Variants in LIN54 observed in about 807,000 individuals in gnomAD.
The protein encoded by LIN54 is lin-54 DREAM MuvB core complex component, also known as protein lin-54 homolog.
A neutral mutation model predicts 78.7 loss-of-function variants in LIN54; 9 were observed. The ratio of observed to expected loss-of-function variants is 0.11; its 90% CI spans 0.07 to 0.20. LIN54 has a LOEUF of 0.20. LIN54 is among the 10% of genes least tolerant of loss of function. LIN54 has a pLI of 1.00. For missense variants in LIN54, 573 were observed against 889.9 expected (o/e 0.64, Z 4.53); for synonymous variants, 269 against 318.4 (o/e 0.84, Z 1.65).
At chr4:82,936,948 CATT>C (rs1206800570) in intron 9 of LIN54, among the ~76,000 whole-genome samples, 2 of 152,144 alleles carry the variant, frequency 1.3e-5, no homozygotes, top group Non-Finnish European at 2.9e-5. Context: ...TAAGATCAAA[CATT>C]ATTATTAAGG....
upstream of LIN54, chr4:83,011,965 T>C: frequency 1.1e-6 from 1 of 922,612 alleles, no homozygotes; most frequent in Non-Finnish European, 1.3e-6. Context: ...TCTAAGTTAG[T>C]GTAGGAAGAG....
chr4:82,996,919 A>C (rs183177643), intron 1 of LIN54, among the ~76,000 whole-genome samples: 34 of 151,482 alleles, frequency 2.2e-4, no homozygotes, highest in Admixed American at 1.4e-3. Flanking sequence ...CGCCATCCTC[A>C]TCTCCACTGG....
rs925586496 is a variant in LIN54, at chr4:83,006,642, T to C, written c.-33+3842A>G. The stretch of plus-strand genomic sequence containing the variant: ...GAATTCCAAATTAGTCACATACCTT[T>C]AAAGTCTATGTTCAAGTATATAGTA... On this transcript the variant is annotated intron_variant, in intron 1 of 12. Transcript: ENST00000340417. Among the ~76,000 whole-genome samples the C allele has an allele frequency of 2.0e-5, 3 of 152,090 alleles. No individual in the cohort carries two copies. In the South Asian group the frequency reaches 6.2e-4, roughly 32 times the overall value.
intron 5 of LIN54, among the ~76,000 whole-genome samples, chr4:82,943,350 T>C (rs1195933297): frequency 6.6e-6 from 1 of 152,166 alleles, no homozygotes; most frequent in African/African-American, 2.4e-5. Flanking sequence ...TGCCTACCAC[T>C]GTACCAACGA....
Position 82,925,890 on chromosome 4 carries a change from T to C in LIN54, c.*2212A>G, listed in dbSNP as rs544329522. 2 of 152,738 alleles carry C rather than the reference T, an allele frequency of 1.3e-5. No homozygotes were observed. Among genetic ancestry groups the C allele is most frequent in the South Asian group, 4.1e-4 (2 of 4,828 alleles). 9.5% of individuals were successfully genotyped at this position (152,738 alleles called of 1,614,324 possible). A position where few individuals can be genotyped will look rare whatever the true frequency, so the allele number is the denominator to read the frequency against. On this transcript the variant is annotated 3_prime_UTR_variant, in exon 13 of 13. Coordinates refer to ENST00000340417, the MANE Select transcript of LIN54 (RefSeq NM_194282.4). Reference sequence around the variant, plus strand: ...TATACCCAACCCTCCCCAAATAGTCTTTTAAAATCATTGAATTAATGTGGC... The same window carrying C: ...TATACCCAACCCTCCCCAAATAGTCCTTTAAAATCATTGAATTAATGTGGC...
At chr4:82,938,750 T>G (rs924087551) in intron 7 of LIN54, among the ~76,000 whole-genome samples, 6 of 152,208 alleles carry the variant, frequency 3.9e-5, no homozygotes, top group Non-Finnish European at 8.8e-5. Flanking sequence ...ACAGAAGAGT[T>G]AAGTATGTCG....
chr4:82,939,092 G>A (rs1722628235), intron 7 of LIN54, among the ~76,000 whole-genome samples: 1 of 152,178 alleles, frequency 6.6e-6, no homozygotes, highest in Non-Finnish European at 1.5e-5. Flanking sequence ...AGTAAGAGTA[G>A]ATAGATCGCT....
At chr4:83,012,879 G>C (rs1472144224), upstream of LIN54, 3 of 151,926 alleles carry the variant, frequency 2.0e-5, no homozygotes, top group Non-Finnish European at 2.9e-5. Context: ...CCGAGACACA[G>C]ACCAGGGTTT....
At chr4:82,961,965 A>G (rs2126062443) in intron 4 of LIN54, among the ~76,000 whole-genome samples, 1 of 152,212 alleles carries the variant, frequency 6.6e-6, no homozygotes. Flanking sequence ...CAAAAAAAAA[A>G]AAAAAGAAAA....
In LIN54 at chr4:82,952,600, T is replaced by C. The variant is rs182815280; in HGVS notation, c.952-6126A>G. On this transcript the variant is annotated intron_variant, in intron 4 of 12. Coordinates refer to ENST00000340417, the MANE Select transcript of LIN54 (RefSeq NM_194282.4). Reference sequence around the variant, plus strand: ...ACCATATGATCCAGCAATTCTACTTTTGGGTACATACTGTATTCAAAAGAA... The same window carrying C: ...ACCATATGATCCAGCAATTCTACTTCTGGGTACATACTGTATTCAAAAGAA... Among the ~76,000 whole-genome samples the C allele has an allele frequency of 1.1e-3, 168 of 152,278 alleles. 1 individual carries two copies. Among genetic ancestry groups the C allele is most frequent in the African/African-American group, 3.9e-3 (163 of 41,554 alleles).
chr4:82,953,635 G>C (rs1176746121), intron 4 of LIN54, among the ~76,000 whole-genome samples: 1 of 152,042 alleles, frequency 6.6e-6, no homozygotes, highest in Non-Finnish European at 1.5e-5. Flanking sequence ...TATCCACTTT[G>C]CAAGCTAAGT....
intron 4 of LIN54, among the ~76,000 whole-genome samples, chr4:82,963,769 A>C (rs993541331): frequency 1.2e-4 from 19 of 152,184 alleles, no homozygotes; most frequent in African/African-American, 4.6e-4. Flanking sequence ...AAAAAAGGGC[A>C]GGAAAACAGT....
intron 3 of LIN54, among the ~76,000 whole-genome samples, chr4:82,977,096 C>T (rs1277454984): frequency 6.6e-6 from 1 of 152,164 alleles, no homozygotes; most frequent in Non-Finnish European, 1.5e-5. Context: ...TTCATTCAGA[C>T]ACTTCCGCGA....
chr4:82,969,318 T>C (rs892261425), intron 4 of LIN54, among the ~76,000 whole-genome samples: 2 of 152,202 alleles, frequency 1.3e-5, no homozygotes, highest in African/African-American at 4.8e-5. Flanking sequence ...CCATTGTAAT[T>C]CTGTAGGACA....
intron 3 of LIN54, among the ~76,000 whole-genome samples, chr4:82,974,074 G>A (rs1031363888): frequency 1.3e-5 from 2 of 152,004 alleles, no homozygotes; most frequent in African/African-American, 4.8e-5. Flanking sequence ...GCTGGGTGTG[G>A]TGGCAGGCAC....
intron 12 of LIN54, among the ~76,000 whole-genome samples, chr4:82,930,250 A>T (rs759356796): frequency 2.6e-5 from 4 of 152,216 alleles, no homozygotes; most frequent in Non-Finnish European, 5.9e-5. Context: ...TCCATTTAAT[A>T]ATTCCTCAGA....
At chr4:82,937,397 A>C (rs935940704) in intron 8 of LIN54, 99 bp from the exon 9 acceptor site, 55 of 689,552 alleles carry the variant, frequency 8.0e-5, no homozygotes, top group Non-Finnish European at 1.3e-4. Context: ...AATTAGACCT[A>C]AAACTAATTT....
At position 82,954,298 on chromosome 4, in the gene LIN54, GACC is replaced by G. The variant is rs377506012; in HGVS notation, c.952-7827_952-7825del. Among the ~76,000 whole-genome samples the G allele has an allele frequency of 7.1e-3, 1,082 of 151,888 alleles. 13 individuals are homozygous for G. Among genetic ancestry groups the G allele is most frequent in the Middle Eastern group, 0.01 (3 of 294 alleles). On this transcript the variant is annotated intron_variant, in intron 4 of 12. Coordinates refer to ENST00000340417, the MANE Select transcript of LIN54 (RefSeq NM_194282.4). ...CTTAATGTACCACAGACATTTTTAA[GACC>G]ACAAGGGAAAAAAGACAATGCAATA... is the stretch of plus-strand genomic sequence containing the variant.
At chr4:83,008,218 G>A (rs1294170816) in intron 1 of LIN54, among the ~76,000 whole-genome samples, 2 of 152,152 alleles carry the variant, frequency 1.3e-5, no homozygotes, top group South Asian at 2.1e-4. Flanking sequence ...AGACCCCACT[G>A]AATTGATCCT....
Sources: allele counts gnomAD v4.1 joint callset (sites outside exome capture counted in the v4.1 genomes callset), GRCh38; gene constraint gnomAD v4.1.1; transcripts MANE v1.5; gene names NCBI Gene and HGNC (gene_info 2026-07-23, HGNC 2026-07-21).